Variants in CPNE4 observed in about 807,000 individuals in gnomAD.
The protein encoded by CPNE4 is copine-4.
CPNE4 carries 25 observed loss-of-function variants against 67.9 expected under a neutral mutation model. The ratio of observed to expected loss-of-function variants is 0.37; its 90% confidence interval spans 0.27 to 0.51. CPNE4 has a LOEUF of 0.51. CPNE4 is among the 20% of genes least tolerant of loss of function. CPNE4 has a pLI of 0.93. For missense variants in CPNE4, 464 were observed against 690.8 expected (o/e 0.67, Z 3.68); for synonymous variants, 242 against 244.9 (o/e 0.99, Z 0.11).
At chr3:131,589,595 C>T (rs1164391047) in intron 7 of CPNE4, among the ~76,000 whole-genome samples, 1 of 152,218 alleles carries the variant, frequency 6.6e-6, no homozygotes, top group Non-Finnish European at 1.5e-5. Flanking sequence ...GCCTAGGCAT[C>T]CTTCAATCCA....
At chr3:131,623,075 A>C (rs1940561694) in intron 7 of CPNE4, among the ~76,000 whole-genome samples, 1 of 152,168 alleles carries the variant, frequency 6.6e-6, no homozygotes, top group African/African-American at 2.4e-5. Flanking sequence ...AGGAGGGGCC[A>C]GGTATTTAAT....
intron 1 of CPNE4, among the ~76,000 whole-genome samples, chr3:132,023,253 G>C (rs1337556165): frequency 1.3e-5 from 2 of 152,068 alleles, no homozygotes; most frequent in African/African-American, 4.8e-5. Flanking sequence ...TGATCCCTCA[G>C]CCTGCTTTCT....
intron 4 of CPNE4, 60 bp from the exon 5 acceptor site, chr3:131,696,676 A>G: frequency 6.7e-7 from 1 of 1,490,638 alleles, no homozygotes; most frequent in South Asian, 1.2e-5. Flanking sequence ...TCCAGAACCC[A>G]TGAGCAAATT....
chr3:131,710,836 G>C (rs879652230), intron 3 of CPNE4, among the ~76,000 whole-genome samples: 14 of 152,148 alleles, frequency 9.2e-5, no homozygotes, highest in Non-Finnish European at 1.5e-5. Context: ...CAAAAGCTCA[G>C]AGGTAATGTA....
chr3:131,910,055 G>T (rs1489422450), intron 1 of CPNE4, among the ~76,000 whole-genome samples: 1 of 151,982 alleles, frequency 6.6e-6, no homozygotes, highest in Non-Finnish European at 1.5e-5. Context: ...GACTGCAGGA[G>T]AGAAAAAACA....
intron 2 of CPNE4, among the ~76,000 whole-genome samples, chr3:131,864,965 C>CAT (rs200416822): frequency 0.077 from 11,623 of 151,818 alleles, 574 homozygotes; most frequent in East Asian, 0.17. Context: ...TTGAGATAAT[C>CAT]GTGGTTTTCG....
At chr3:131,691,500 C>T (rs1254248025) in intron 5 of CPNE4, among the ~76,000 whole-genome samples, 2 of 152,044 alleles carry the variant, frequency 1.3e-5, no homozygotes, top group Non-Finnish European at 2.9e-5. Flanking sequence ...ATTGGGTACA[C>T]ATGGACATAA....
chr3:131,848,954 T>C (rs1358910574), intron 2 of CPNE4, among the ~76,000 whole-genome samples: 1 of 12,414 alleles, frequency 8.1e-5, no homozygotes, highest in African/African-American at 2.3e-4. Flanking sequence ...CAGTAGTGAT[T>C]ACAAAAAAAA....
chr3:131,647,338 C>T (rs969697370), intron 7 of CPNE4, among the ~76,000 whole-genome samples: 3 of 152,182 alleles, frequency 2.0e-5, no homozygotes, highest in African/African-American at 7.2e-5. Context: ...TTGATTTCTA[C>T]AGACAGGACC....
Position 131,996,822 on chromosome 3 carries a change from C to G in CPNE4, c.-2+37745G>C, listed in dbSNP as rs113887686. On this transcript the variant is annotated intron_variant, in intron 1 of 15. Transcript: ENST00000429747. ...CATATTGCTTTGAAAAAGAGCCTTT[C>G]TTTCCAGAAATGGAGCAGTCCAGAG... Among the ~76,000 whole-genome samples the G allele has an allele frequency of 7.8e-3, 1,189 of 151,682 alleles. 11 individuals carry two copies. The highest frequency in any genetic ancestry group is 0.013 in the Non-Finnish European group (906 of 68,004).
chr3:131,916,164 C>A (rs2089174158), intron 1 of CPNE4, among the ~76,000 whole-genome samples: 1 of 152,048 alleles, frequency 6.6e-6, no homozygotes, highest in African/African-American at 2.4e-5. Flanking sequence ...ATTATTTTGG[C>A]ACTGAAATAA....
intron 2 of CPNE4, among the ~76,000 whole-genome samples, chr3:131,783,317 T>C (rs1464043663): frequency 6.6e-6 from 1 of 152,048 alleles, no homozygotes; most frequent in African/African-American, 2.4e-5. Flanking sequence ...TGGGCATCAG[T>C]TTTGGCCATC....
chr3:131,656,514 A>G (rs1320947955), intron 7 of CPNE4, among the ~76,000 whole-genome samples: 1 of 152,202 alleles, frequency 6.6e-6, no homozygotes, highest in Non-Finnish European at 1.5e-5. Context: ...AGCTAATGTA[A>G]CTATGGGCTT....
chr3:131,885,813 A>G (rs188647486), intron 2 of CPNE4, among the ~76,000 whole-genome samples: 1 of 152,188 alleles, frequency 6.6e-6, no homozygotes, highest in African/African-American at 2.4e-5. Context: ...TTCTTGCGAT[A>G]GTTTACTGAG....
intron 1 of CPNE4, among the ~76,000 whole-genome samples, chr3:132,000,243 G>T (rs559275865): frequency 6.4e-4 from 98 of 152,092 alleles, no homozygotes; most frequent in African/African-American, 2.1e-3. Context: ...GGCCCAGAAA[G>T]ATAGACAAAT....
intron 14 of CPNE4, 27 bp downstream of exon 14, chr3:131,549,920 T>C: frequency 3.1e-6 from 5 of 1,611,760 alleles, no homozygotes; most frequent in Non-Finnish European, 4.2e-6. Context: ...TAAGCTCCCC[T>C]TAGGAGGCAA....
At chr3:131,677,636 A>T (rs2080616384) in intron 6 of CPNE4, among the ~76,000 whole-genome samples, 1 of 152,140 alleles carries the variant, frequency 6.6e-6, no homozygotes, top group Non-Finnish European at 1.5e-5. Context: ...GTCCAGTTTC[A>T]ATCTTCTGCA....
At chr3:132,001,773 C>A (rs2073457303) in intron 1 of CPNE4, among the ~76,000 whole-genome samples, 2 of 152,060 alleles carry the variant, frequency 1.3e-5, no homozygotes, top group Non-Finnish European at 2.9e-5. Flanking sequence ...AGGAGAATAT[C>A]CGGAGACTAA....
At chr3:131,655,422 T>C (rs539444152) in intron 7 of CPNE4, among the ~76,000 whole-genome samples, 55 of 152,318 alleles carry the variant, frequency 3.6e-4, no homozygotes, top group African/African-American at 7.0e-4. Context: ...GTTTGATTAT[T>C]GGGAGTAGCA....
Sources: allele counts gnomAD v4.1 joint callset (sites outside exome capture counted in the v4.1 genomes callset), GRCh38; gene constraint gnomAD v4.1.1; transcripts MANE v1.5; gene names NCBI Gene and HGNC (gene_info 2026-07-23, HGNC 2026-07-21).